The following OSBPL11 variants were observed in gnomAD, a reference collection of about 807,000 sequenced individuals.
The protein encoded by OSBPL11 is oxysterol binding protein like 11.
In OSBPL11, 33 loss-of-function variants were observed where a neutral mutation model predicts 84.4. That is an observed-to-expected ratio of 0.39 (90% CI 0.30 to 0.52). The LOEUF is 0.52. Ranked by LOEUF, OSBPL11 falls within the 20% of genes least tolerant of loss-of-function variation. OSBPL11 has a pLI of 0.72. For missense variants in OSBPL11, 736 were observed against 901.1 expected (o/e 0.82, Z 2.35); for synonymous variants, 276 against 310.2 (o/e 0.89, Z 1.16).
chr3:125,570,765 A>T (rs1936232099), intron 5 of OSBPL11, among the ~76,000 whole-genome samples: 1 of 152,172 alleles, frequency 6.6e-6, no homozygotes, highest in Non-Finnish European at 1.5e-5. Flanking sequence ...TTCCGCCATG[A>T]CTGTGAGGCC....
Position 125,530,049 on chromosome 3 carries a change from A to G in OSBPL11, c.*466T>C, listed in dbSNP as rs1379885741. 2 of 154,414 alleles carry G rather than the reference A, an allele frequency of 1.3e-5. No homozygotes were observed. The highest frequency in any genetic ancestry group is 2.9e-5 in the Non-Finnish European group (2 of 69,182). The allele number at this position is 154,414 out of a possible 1,614,324, so 9.6% of individuals were successfully genotyped here. ...CAATGGCTGAATCCACTTCTGGGTCATCTTTCTCCTCCTCTTGGTTGGTTT... is the reference window on the plus strand; with the variant it reads ...CAATGGCTGAATCCACTTCTGGGTCGTCTTTCTCCTCCTCTTGGTTGGTTT... On this transcript the variant is annotated 3_prime_UTR_variant, in exon 13 of 13. Coordinates refer to ENST00000296220, the MANE Select transcript of OSBPL11 (RefSeq NM_022776.5).
chr3:125,581,201 T>C (rs1189940519), intron 2 of OSBPL11, among the ~76,000 whole-genome samples: 2 of 151,948 alleles, frequency 1.3e-5, no homozygotes, highest in African/African-American at 4.8e-5. Flanking sequence ...CAAGCGATTC[T>C]CATGCCTCAG....
chr3:125,572,070 T>G (rs538192911), intron 5 of OSBPL11, among the ~76,000 whole-genome samples: 2 of 152,324 alleles, frequency 1.3e-5, no homozygotes, highest in Admixed American at 1.3e-4. Flanking sequence ...CCCAAGACCA[T>G]GGGAACCCAC....
intron 8 of OSBPL11, among the ~76,000 whole-genome samples, chr3:125,554,664 C>A (rs1044301783): frequency 2.0e-5 from 3 of 151,816 alleles, no homozygotes; most frequent in African/African-American, 7.3e-5. Flanking sequence ...AAAATAATAT[C>A]TTCAGAGAAT....
chr3:125,539,098 A>T (rs1456287483), intron 10 of OSBPL11, among the ~76,000 whole-genome samples: 2 of 151,562 alleles, frequency 1.3e-5, no homozygotes, highest in East Asian at 3.9e-4. Flanking sequence ...AAACCACATA[A>T]GCCTAATTTT....
chr3:125,552,437 G>A lies in OSBPL11; in HGVS notation c.1398C>T (p.Ser466=), dbSNP rs766098705. ...TGCTAAAAACACTGGATGCTACCTC[G>A]CTTTTTGGCATCTTCCAGGAACAGT... is the stretch of plus-strand genomic sequence containing the variant. ...TFHCSWKMPK[S]EVASSVFSSS... Residue 466 remains serine (S), a synonymous_variant, in exon 9 of 13, where the codon AGC becomes AGT. Transcript: ENST00000296220. The A allele has an allele frequency of 4.2e-5, 68 of 1,613,978 alleles. No individual in the cohort carries two copies. The highest frequency in any genetic ancestry group is 2.7e-4 in the East Asian group (12 of 44,888).
chr3:125,553,769 T>C (rs1935950041), intron 8 of OSBPL11, among the ~76,000 whole-genome samples: 1 of 152,234 alleles, frequency 6.6e-6, no homozygotes, highest in South Asian at 2.1e-4. Context: ...AAAGACGGTT[T>C]TGAAGATGAT....
At chr3:125,583,302 C>T (rs1166474751) in intron 1 of OSBPL11, among the ~76,000 whole-genome samples, 7 of 151,718 alleles carry the variant, frequency 4.6e-5, no homozygotes, top group South Asian at 4.2e-4. Flanking sequence ...GTGGGATGGC[C>T]GGGCACAGTG....
intron 8 of OSBPL11, among the ~76,000 whole-genome samples, chr3:125,557,274 G>A (rs532386413): frequency 1.3e-5 from 2 of 152,332 alleles, no homozygotes; most frequent in South Asian, 4.1e-4. Context: ...ACCTAGCACA[G>A]TGTCTGGAAT....
intron 6 of OSBPL11, 21 bp from the exon 7 acceptor site, chr3:125,563,864 T>C: frequency 2.5e-6 from 4 of 1,606,918 alleles, no homozygotes; most frequent in Non-Finnish European, 3.4e-6. Flanking sequence ...AAGAGAAAAC[T>C]TTCGCTGAAA....
At chr3:125,581,945 G>T (rs1431552999) in intron 2 of OSBPL11, among the ~76,000 whole-genome samples, 3 of 151,954 alleles carry the variant, frequency 2.0e-5, no homozygotes, top group Admixed American at 6.6e-5. Flanking sequence ...CTATACTCCA[G>T]CCTGGGCAAC....
In OSBPL11 at chr3:125,578,952, C is replaced by A; in HGVS notation, c.489+8G>T. The A allele has an allele frequency of 6.7e-7, 1 of 1,495,142 alleles. No homozygotes were observed. The highest frequency in any genetic ancestry group is 9.1e-7 in the Non-Finnish European group (1 of 1,102,454). The allele number at this position is 1,495,142 out of a possible 1,614,324, so 92.6% of individuals were successfully genotyped here. A position where few individuals can be genotyped will look rare whatever the true frequency, so the allele number is the denominator to read the frequency against. On this transcript the variant is annotated splice_region_variant and intron_variant, in intron 4 of 12. Coordinates refer to ENST00000296220, the MANE Select transcript of OSBPL11 (RefSeq NM_022776.5). ...TTGTATATTAATATTGTATATAAAT[C>A]TACATACCTTTCCAATAGCTTCAGT...
chr3:125,584,007 A>G (rs774701133), intron 1 of OSBPL11, among the ~76,000 whole-genome samples: 9 of 152,134 alleles, frequency 5.9e-5, no homozygotes, highest in Admixed American at 1.3e-4. Flanking sequence ...CTCTGTCTCA[A>G]AAAAATTCCC....
intron 8 of OSBPL11, among the ~76,000 whole-genome samples, chr3:125,553,854 C>G (rs1354602465): frequency 6.6e-6 from 1 of 152,172 alleles, no homozygotes; most frequent in East Asian, 1.9e-4. Context: ...ATTTCACTTT[C>G]TGTCGAAATT....
At chr3:125,546,158 G>A (rs1331587601) in intron 10 of OSBPL11, among the ~76,000 whole-genome samples, 2 of 143,884 alleles carry the variant, frequency 1.4e-5, no homozygotes, top group African/African-American at 5.2e-5. Flanking sequence ...AGTCTATTTC[G>A]TTTTTTTTGT....
chr3:125,572,896 T>C (rs1046631742), intron 5 of OSBPL11, among the ~76,000 whole-genome samples: 10 of 144,466 alleles, frequency 6.9e-5, no homozygotes, highest in African/African-American at 2.3e-4. Flanking sequence ...ATAAAATATG[T>C]ACATATTATA....
intron 2 of OSBPL11, among the ~76,000 whole-genome samples, chr3:125,581,293 T>C (rs543404012): frequency 2.0e-5 from 3 of 152,068 alleles, no homozygotes; most frequent in South Asian, 2.1e-4. Context: ...AGTTTTGCCA[T>C]GTTGGCCAGA....
intron 2 of OSBPL11, among the ~76,000 whole-genome samples, chr3:125,582,072 C>T (rs60114255): frequency 2.0e-5 from 3 of 152,156 alleles, no homozygotes; most frequent in South Asian, 2.1e-4. Flanking sequence ...TGGTGGCTCA[C>T]GCCTGTGATC....
In OSBPL11 at chr3:125,546,175, G is replaced by T. The variant is rs78921495; in HGVS notation, c.1841+1231C>A. Among the ~76,000 whole-genome samples the T allele has an allele frequency of 1.8e-3, 224 of 122,994 alleles. 3 individuals are homozygous for T. Among genetic ancestry groups the T allele is most frequent in the Middle Eastern group, 4.2e-3 (1 of 240 alleles). The allele number at this position is 122,994 out of a possible 152,430, so 80.7% of individuals were successfully genotyped here. On this transcript the variant is annotated intron_variant, in intron 10 of 12. Transcript: ENST00000296220. ...TCTATTTCGTTTTTTTTGTGTGTGT[G>T]TGTTTTTTTTTTTTTTGAGACAGAG...
Sources: gnomAD v4.1 joint callset for allele counts (sites outside exome capture counted in the v4.1 genomes callset) on GRCh38, gnomAD v4.1.1 for gene constraint, MANE v1.5 for transcripts, NCBI Gene and HGNC (gene_info 2026-07-23, HGNC 2026-07-21) for gene names.